Variants in HABP4 observed in about 807,000 individuals in gnomAD.
HABP4 encodes intracellular hyaluronan-binding protein 4.
In HABP4, 32 loss-of-function variants were observed where a neutral mutation model predicts 44.1. That is an observed-to-expected ratio of 0.73 (90% CI 0.55 to 0.97). HABP4 has a LOEUF of 0.97. HABP4 is among the 50% of genes least tolerant of loss of function. The pLI, the probability that HABP4 is intolerant of heterozygous loss-of-function variation, is 0.00. For missense variants in HABP4, 503 were observed against 561.9 expected (o/e 0.90, Z 1.06); for synonymous variants, 216 against 218.0 (o/e 0.99, Z 0.08).
Position 96,457,967 on chromosome 9 carries a change from G to T in HABP4, c.350-412G>T, listed in dbSNP as rs574622336. On this transcript the variant is annotated intron_variant, in intron 1 of 7. Transcript: ENST00000375249. ...AGCCATAGTTGCTATGTAATGTGCA[G>T]TTGGGATTCTAAAAGTACAGTCTGA... 2.6e-5 allele frequency among the ~76,000 whole-genome samples: 4 copies of T among 152,316 alleles called. No homozygotes were observed. The South Asian group carries it at 8.3e-4, about 32-fold the overall frequency.
intron 1 of HABP4, among the ~76,000 whole-genome samples, chr9:96,457,812 G>A (rs1245533201): frequency 6.6e-6 from 1 of 152,214 alleles, no homozygotes; most frequent in African/African-American, 2.4e-5. Flanking sequence ...AGATTGCAGT[G>A]AGCCAAGATT....
intron 1 of HABP4, among the ~76,000 whole-genome samples, chr9:96,454,699 T>C (rs1425310224): frequency 1.3e-5 from 2 of 152,104 alleles, no homozygotes; most frequent in Non-Finnish European, 2.9e-5. Context: ...CTGCCCGCCT[T>C]GGACTCCCAA....
In HABP4 at chr9:96,488,213, C is replaced by T. The variant is rs768131183; in HGVS notation, c.1124C>T (p.Thr375Ile). The part of the protein sequence containing the change: ...PRPGRGARGG[T>I]RGGRGRIRRA... Reference sequence around the variant, plus strand: ...CCTGGGCGTGGAGCCAGAGGAGGCACCCGGGGAGGCCGGGGAAGGATCAGG... The same window carrying T: ...CCTGGGCGTGGAGCCAGAGGAGGCATCCGGGGAGGCCGGGGAAGGATCAGG... Residue 375 changes from threonine to isoleucine, a missense_variant, in exon 7 of 8, where the codon ACC becomes ATC. By Grantham distance (89) the Thr-to-Ile change is moderately conservative (BLOSUM62 -1). Coordinates refer to ENST00000375249, the MANE Select transcript of HABP4 (RefSeq NM_014282.4). The surrounding 1 kb of genome is among the most constrained non-coding windows in gnomAD (Gnocchi z 4.6). The T allele has an allele frequency of 6.4e-5, 104 of 1,613,692 alleles. No individual in the cohort carries two copies. Among genetic ancestry groups the T allele is most frequent in the Non-Finnish European group, 8.8e-5 (104 of 1,179,704 alleles).
At chr9:96,476,910 G>A (rs1832794174) in intron 5 of HABP4, among the ~76,000 whole-genome samples, 1 of 152,264 alleles carries the variant, frequency 6.6e-6, no homozygotes, top group Non-Finnish European at 1.5e-5. Flanking sequence ...ATTCTTGAAT[G>A]AGGTGCATTC....
At chr9:96,451,982 G>C (rs748270547) in intron 1 of HABP4, among the ~76,000 whole-genome samples, 24 of 152,058 alleles carry the variant, frequency 1.6e-4, no homozygotes, top group Admixed American at 1.1e-3. Context: ...AATCCCAGCA[G>C]TTTGGGAGTC....
In HABP4 at chr9:96,450,313, G is replaced by C. The variant is rs868266908; in HGVS notation, c.34G>C (p.Ala12Pro). 1 of 1,467,670 alleles carries C rather than the reference G, an allele frequency of 6.8e-7. No individual in the cohort carries two copies. Among genetic ancestry groups the C allele is most frequent in the South Asian group, 1.3e-5 (1 of 78,576 alleles). 90.9% of individuals were successfully genotyped at this position (1,467,670 alleles called of 1,614,324 possible). A position where few individuals can be genotyped will look rare whatever the true frequency, so the allele number is the denominator to read the frequency against. ...KGALGSPVAA[A>P]GAAMQESFGC... The stretch of plus-strand genomic sequence containing the variant: ...CGCTCTGGGGAGTCCCGTGGCTGCC[G>C]CTGGCGCCGCGATGCAGGAGAGTTT... The change falls in exon 1 of 8, where the codon GCT (alanine) becomes CCT (proline). Residue 12 changes from alanine to proline, a missense_variant. Physicochemically the swap from Ala to Pro is conservative, Grantham distance 27. Around this residue, in one of 3 missense-constraint regions of HABP4, gnomAD observed 290 missense variants for 300.5 expected, o/e 0.97. Transcript: ENST00000375249. This position sits in a 1 kb window ranked among gnomAD's most constrained non-coding sequence, Gnocchi z 4.8.
intron 2 of HABP4, among the ~76,000 whole-genome samples, chr9:96,459,565 A>G (rs563869812): frequency 2.6e-5 from 4 of 152,314 alleles, no homozygotes; most frequent in African/African-American, 7.2e-5. Flanking sequence ...ATCACATTTC[A>G]AGGAAAATAA....
At chr9:96,474,202 G>T (rs543613127) in intron 5 of HABP4, among the ~76,000 whole-genome samples, 1 of 152,168 alleles carries the variant, frequency 6.6e-6, no homozygotes, top group Non-Finnish European at 1.5e-5. Context: ...AACAAGAAAT[G>T]TGTTTCATTA....
At chr9:96,484,953 AC>A (rs1832944174) in intron 6 of HABP4, among the ~76,000 whole-genome samples, 1 of 152,092 alleles carries the variant, frequency 6.6e-6, no homozygotes, top group Non-Finnish European at 1.5e-5. Flanking sequence ...TGTGTCTTGT[AC>A]AATTCAGAGT....
At chr9:96,475,341 A>G (rs1276367319) in intron 5 of HABP4, among the ~76,000 whole-genome samples, 2 of 147,512 alleles carry the variant, frequency 1.4e-5, no homozygotes, top group Non-Finnish European at 3.0e-5. Context: ...GTGCCACTGC[A>G]CTCCAGCCTG....
chr9:96,460,091 C>T (rs533854617), intron 2 of HABP4, among the ~76,000 whole-genome samples: 3 of 152,076 alleles, frequency 2.0e-5, no homozygotes, highest in South Asian at 2.1e-4. Flanking sequence ...ACCCATGTTT[C>T]CCCCCTTTTT....
Position 96,450,272 on chromosome 9 carries a change from G to C in HABP4, c.-8G>C, listed in dbSNP as rs1313600235. The C allele has an allele frequency of 7.0e-7, 1 of 1,433,752 alleles. No individual in the cohort carries two copies. The highest frequency in any genetic ancestry group is 9.2e-7 in the Non-Finnish European group (1 of 1,083,032). The allele number at this position is 1,433,752 out of a possible 1,614,324, so 88.8% of individuals were successfully genotyped here. A position where few individuals can be genotyped will look rare whatever the true frequency, so the allele number is the denominator to read the frequency against. ...CTGCCCTCCCGGGCCCGCAGTGGTC[G>C]CGGCGGCATGAAGGGCGCTCTGGGG... On this transcript the variant is annotated 5_prime_UTR_variant, in exon 1 of 8. Coordinates refer to ENST00000375249, the MANE Select transcript of HABP4 (RefSeq NM_014282.4). This position sits in a 1 kb window ranked among gnomAD's most constrained non-coding sequence, Gnocchi z 4.8.
intron 2 of HABP4, among the ~76,000 whole-genome samples, chr9:96,462,466 T>C (rs1832518691): frequency 6.6e-6 from 1 of 150,476 alleles, no homozygotes; most frequent in Non-Finnish European, 1.5e-5. Context: ...AAAAAAAAAT[T>C]GCCAGGCGTG....
At chr9:96,472,602 C>T (rs1370328719) in intron 5 of HABP4, among the ~76,000 whole-genome samples, 3 of 152,226 alleles carry the variant, frequency 2.0e-5, no homozygotes, top group Non-Finnish European at 2.9e-5. Flanking sequence ...TTCCTACTGA[C>T]TTCATGAAAA....
rs757060824 is a variant in HABP4, at chr9:96,471,058, A to C, written c.791A>C (p.Glu264Ala). The C allele has an allele frequency of 4.2e-5, 67 of 1,606,564 alleles. No homozygotes were observed. In the East Asian group the frequency reaches 6.9e-4, roughly 17 times the overall value. Residue 264 changes from glutamate to alanine, a missense_variant, in exon 5 of 8, where the codon GAG (glutamate) becomes GCG (alanine). Physicochemically the swap from Glu to Ala is moderately radical, Grantham distance 107 (BLOSUM62 -1). Around this residue, in one of 3 missense-constraint regions of HABP4, gnomAD observed 131 missense variants for 189.8 expected, o/e 0.69. Transcript: ENST00000375249. ...ATGGAGGAACCCACAGTGGTGGAGG[A>C]GTCCCAGGGCACCCCGGAAGAGGAG... ...APMEEPTVVE[E>A]SQGTPEEESP...
intron 5 of HABP4, among the ~76,000 whole-genome samples, chr9:96,479,786 C>T (rs1832845440): frequency 6.6e-6 from 1 of 151,876 alleles, no homozygotes; most frequent in African/African-American, 2.4e-5. Context: ...GCTGGGTTTA[C>T]AGACAGGAGC....
chr9:96,474,316 C>T (rs1367247056), intron 5 of HABP4, among the ~76,000 whole-genome samples: 2 of 152,278 alleles, frequency 1.3e-5, no homozygotes, highest in East Asian at 3.9e-4. Flanking sequence ...TGGATACCTT[C>T]AGGAGAACAT....
intron 5 of HABP4, 156 bp from the exon 6 acceptor site, chr9:96,484,306 T>C (rs767359078): frequency 4.1e-5 from 22 of 542,122 alleles, no homozygotes; most frequent in East Asian, 6.0e-5. Flanking sequence ...AAATGAAATA[T>C]GGAAGCTTGT....
At chr9:96,475,552 C>A (rs1832773701) in intron 5 of HABP4, among the ~76,000 whole-genome samples, 1 of 152,190 alleles carries the variant, frequency 6.6e-6, no homozygotes. Context: ...GGTTCAATAC[C>A]TGCCTAAGGT....
Sources: allele counts gnomAD v4.1 joint callset (sites outside exome capture counted in the v4.1 genomes callset), GRCh38; gene constraint gnomAD v4.1.1; regional missense constraint gnomAD v4.1.1; non-coding constraint Gnocchi (gnomAD v3.1); transcripts MANE v1.5; gene names NCBI Gene and HGNC (gene_info 2026-07-23, HGNC 2026-07-21).